GC: variants seen among roughly 807,000 people sequenced by gnomAD.
The protein encoded by GC is vitamin D-binding protein.
GC carries 43 observed loss-of-function variants against 56.7 expected under a neutral mutation model. That is an observed-to-expected ratio of 0.76 (90% CI 0.59 to 0.98). GC has a LOEUF of 0.98. Among genes scored for constraint, GC ranks in the 50% least tolerant of loss-of-function variants. The pLI is 0.00. For missense variants in GC, 529 were observed against 545.9 expected (o/e 0.97, Z 0.31); for synonymous variants, 216 against 202.7 (o/e 1.07, Z -0.56).
At chr4:71,790,004 T>C (rs574814780) in intron 1 of GC, among the ~76,000 whole-genome samples, 1 of 152,092 alleles carries the variant, frequency 6.6e-6, no homozygotes, top group South Asian at 2.1e-4. Flanking sequence ...GCACTTCCCC[T>C]TGTAGTTTTT....
intron 12 of GC, among the ~76,000 whole-genome samples, chr4:71,742,766 A>T (rs1741224383): frequency 6.6e-6 from 1 of 152,328 alleles, no homozygotes; most frequent in African/African-American, 2.4e-5. Context: ...CAAGGTCAGA[A>T]GATGGAGACC....
intron 1 of GC, among the ~76,000 whole-genome samples, chr4:71,797,084 G>A (rs766779165): frequency 6.6e-6 from 1 of 152,218 alleles, no homozygotes; most frequent in African/African-American, 2.4e-5. Context: ...GCACCTGCCT[G>A]TATGAGATGT....
chr4:71,764,992 CAT>C (rs1339191560), intron 4 of GC, among the ~76,000 whole-genome samples: 2 of 152,108 alleles, frequency 1.3e-5, no homozygotes, highest in African/African-American at 4.8e-5. Flanking sequence ...GTACACGTCA[CAT>C]GTTTCTGGGA....
intron 5 of GC, 110 bp downstream of exon 5, chr4:71,763,694 G>T: frequency 1.1e-6 from 1 of 918,480 alleles, no homozygotes; most frequent in Non-Finnish European, 1.7e-6. Context: ...TGCAAGGGTG[G>T]CATTTTAGAA....
chr4:71,795,055 G>T (rs1743063773), intron 1 of GC, among the ~76,000 whole-genome samples: 1 of 152,130 alleles, frequency 6.6e-6, no homozygotes, highest in Non-Finnish European at 1.5e-5. Flanking sequence ...TTTTACATTT[G>T]CTAGGAAGTG....
At chr4:71,760,336 G>A (rs769883933) in intron 6 of GC, among the ~76,000 whole-genome samples, 5 of 151,986 alleles carry the variant, frequency 3.3e-5, no homozygotes, top group Non-Finnish European at 7.4e-5. Context: ...ACAGGTGTGA[G>A]CCACCGTGCC....
At chr4:71,742,883 A>T (rs189548572) in intron 12 of GC, among the ~76,000 whole-genome samples, 27 of 152,240 alleles carry the variant, frequency 1.8e-4, no homozygotes, top group African/African-American at 6.3e-4. Flanking sequence ...CTGAGGCAGG[A>T]GAATGGTGTG....
At chr4:71,741,992 CT>C (rs766078409) in intron 12 of GC, 122 bp from the exon 13 acceptor site, 23 of 681,454 alleles carry the variant, frequency 3.4e-5, no homozygotes, top group Non-Finnish European at 5.6e-5. Context: ...AAAAATGACT[CT>C]GTCTAGGATG....
At chr4:71,745,958 A>G (rs1741350117) in intron 12 of GC, among the ~76,000 whole-genome samples, 193 bp downstream of exon 12, 1 of 151,912 alleles carries the variant, frequency 6.6e-6, no homozygotes, top group African/African-American at 2.4e-5. Context: ...CTAGTCTTAC[A>G]TATATCAGAA....
rs755712569 is a variant in GC at position 71,746,183 on chromosome 4, A to T, written c.1418T>A (p.Ile473Asn). 1.5e-6 allele frequency: 2 copies of T among 1,344,684 alleles called. No individual in the cohort carries two copies. Among genetic ancestry groups the T allele is most frequent in the East Asian group, 2.3e-5 (1 of 43,410 alleles). 83.3% of individuals were successfully genotyped at this position (1,344,684 alleles called of 1,614,324 possible). A position where few individuals can be genotyped will look rare whatever the true frequency, so the allele number is the denominator to read the frequency against. The part of the protein sequence containing the change: ...DSEIDAELKN[I>N]L ...AATAAACATGCTTCAGGACTACAGGATATTCTTCAATTCAGCATCAATCTG... is the reference window on the plus strand; with the variant it reads ...AATAAACATGCTTCAGGACTACAGGTTATTCTTCAATTCAGCATCAATCTG... Residue 473 changes from isoleucine (I) to asparagine (N), a missense_variant, in exon 12 of 13, where the codon ATC becomes AAC. Coordinates refer to ENST00000273951, the MANE Select transcript of GC (RefSeq NM_000583.4).
At chr4:71,753,492 A>G (rs1175578517) in intron 10 of GC, among the ~76,000 whole-genome samples, 1 of 151,710 alleles carries the variant, frequency 6.6e-6, no homozygotes, top group East Asian at 1.9e-4. Flanking sequence ...GGCAAAAAAA[A>G]AAAAAGAAAG....
At position 71,756,897 on chromosome 4, in the gene GC, T is replaced by A. The variant is rs1435662167; in HGVS notation, c.849A>T (p.Val283=). ...CMAKELPEHT[V]KLCDNLSTKN... ...TTGTGGATAAATTGTCACAGAGTTT[T>A]ACTGTGTGTTCAGGCAGCTACAAAA... Residue 283 remains valine (V), a synonymous_variant, in exon 8 of 13, where the codon GTA becomes GTT. Coordinates refer to ENST00000273951, the MANE Select transcript of GC (RefSeq NM_000583.4). The A allele has an allele frequency of 1.2e-6, 2 of 1,610,388 alleles. No homozygotes were observed. Among genetic ancestry groups the A allele is most frequent in the Non-Finnish European group, 1.7e-6 (2 of 1,176,708 alleles).
intron 1 of GC, among the ~76,000 whole-genome samples, chr4:71,793,369 C>G (rs1743016729): frequency 6.6e-6 from 1 of 152,092 alleles, no homozygotes; most frequent in Non-Finnish European, 1.5e-5. Context: ...TGAAGAGGTC[C>G]TTCACATCCC....
intron 2 of GC, 131 bp downstream of exon 2, chr4:71,769,200 G>A: frequency 1.6e-6 from 1 of 639,750 alleles, no homozygotes; most frequent in African/African-American, 1.8e-5. Context: ...GCCTACCTTG[G>A]GCCTGGGGCT....
chr4:71,755,127 G>A lies in GC; in HGVS notation c.1035-20C>T, dbSNP rs1185731667. On this transcript the variant is annotated intron_variant, in intron 8 of 12. Transcript: ENST00000273951. ...GTATACCTAGCATGAGGGAGAAAAGGAGATATGTGTTATATATTTCCTATT... is the reference window on the plus strand; with the variant it reads ...GTATACCTAGCATGAGGGAGAAAAGAAGATATGTGTTATATATTTCCTATT... The A allele has an allele frequency of 6.3e-6, 8 of 1,277,378 alleles. No homozygotes were observed. The highest frequency in any genetic ancestry group is 7.6e-6 in the Non-Finnish European group (7 of 921,950). The allele number at this position is 1,277,378 out of a possible 1,614,324, so 79.1% of individuals were successfully genotyped here. A position where few individuals can be genotyped will look rare whatever the true frequency, so the allele number is the denominator to read the frequency against.
chr4:71,763,333 T>TA (rs1004867259), intron 6 of GC, 75 bp downstream of exon 6: 11 of 710,674 alleles, frequency 1.5e-5, no homozygotes, highest in Non-Finnish European at 2.1e-5. Flanking sequence ...GACAGCTTCT[T>TA]AAAAAAACCC....
intron 1 of GC, among the ~76,000 whole-genome samples, chr4:71,794,169 A>G (rs1477721111): frequency 1.3e-5 from 2 of 152,212 alleles, no homozygotes; most frequent in Non-Finnish European, 2.9e-5. Context: ...TGCTGGCCTC[A>G]TAAAATGAGT....
chr4:71,787,610 T>A (rs550581287), upstream of GC, among the ~76,000 whole-genome samples: 2 of 151,836 alleles, frequency 1.3e-5, no homozygotes, highest in African/African-American at 4.8e-5. Flanking sequence ...TGCTGAGTTG[T>A]GAGGGTGCAG....
chr4:71,780,212 A>G (rs1336662683), intron 1 of GC, among the ~76,000 whole-genome samples: 3 of 152,082 alleles, frequency 2.0e-5, no homozygotes, highest in African/African-American at 7.2e-5. Context: ...TCTCTTCCTT[A>G]CACCTTATAC....
Sources: allele counts gnomAD v4.1 joint callset (sites outside exome capture counted in the v4.1 genomes callset), GRCh38; gene constraint gnomAD v4.1.1; transcripts MANE v1.5; gene names NCBI Gene and HGNC (gene_info 2026-07-23, HGNC 2026-07-21).